Variants in LIM2 observed in about 807,000 individuals in gnomAD.
LIM2 encodes lens intrinsic membrane protein 2.
LIM2 carries 14 observed loss-of-function variants against 19.0 expected under a neutral mutation model. The observed-to-expected ratio is 0.74, with a 90% CI of 0.49 to 1.15. The LOEUF (loss-of-function observed/expected upper bound fraction) is 1.15, where lower values mean the gene tolerates loss of function less well. Among genes scored for constraint, LIM2 ranks in the 50% most tolerant of loss-of-function variants. The pLI, the probability that LIM2 is intolerant of heterozygous loss-of-function variation, is 0.00. For synonymous variants in LIM2, 78 were observed against 89.6 expected (o/e 0.87, Z 0.73); for missense variants, 230 against 243.5 (o/e 0.94, Z 0.37).
intron 2 of LIM2, among the ~76,000 whole-genome samples, chr19:51,383,327 G>A (rs1978455): frequency 0.39 from 58,559 of 151,974 alleles, 13,423 homozygotes; most frequent in East Asian, 0.66. Context: ...GAGCCACTGC[G>A]CCCAGCCTAC....
chr19:51,387,466 A>AG lies in LIM2; in HGVS notation c.-6-18dup, dbSNP rs1207028799. 6.2e-7 allele frequency: 1 copy of AG among 1,612,736 alleles called. No individual in the cohort carries two copies. Among genetic ancestry groups the AG allele is most frequent in the Admixed American group, 1.7e-5 (1 of 59,994 alleles). ...CATGGTGATCTGTGGGGAAGGGGAGAGATGGGATTGGGAGCTGAATTCCCG... is the reference window on the plus strand; with the variant it reads ...CATGGTGATCTGTGGGGAAGGGGAGAGGATGGGATTGGGAGCTGAATTCCCG... On this transcript the variant is annotated splice_polypyrimidine_tract_variant and intron_variant, in intron 1 of 4. Transcript: ENST00000596399.
At chr19:51,383,395 T>C (rs1453642809) in intron 2 of LIM2, among the ~76,000 whole-genome samples, 1 of 152,172 alleles carries the variant, frequency 6.6e-6, no homozygotes, top group East Asian at 1.9e-4. Context: ...TTACTTGTTT[T>C]TAACTTATTT....
intron 4 of LIM2, 82 bp from the exon 5 acceptor site, chr19:51,380,344 C>G (rs1986861611): frequency 4.4e-6 from 7 of 1,582,128 alleles, no homozygotes; most frequent in Admixed American, 3.3e-5. Context: ...ACACCCTACT[C>G]TCTTTCTCCC....
In LIM2 at chr19:51,382,359, C is replaced by T. The variant is rs564476260; in HGVS notation, c.325+59G>A. ...TGAGAATGGTGTTGAGGGGTGGGGA[C>T]AGATTGGGGTTTGAGATGAGAGCGA... On this transcript the variant is annotated intron_variant, in intron 3 of 4. Transcript: ENST00000596399. 7.6e-6 allele frequency: 12 copies of T among 1,586,524 alleles called. No individual in the cohort carries two copies. In the African/African-American group the frequency reaches 1.5e-4, roughly 20 times the overall value.
intron 2 of LIM2, among the ~76,000 whole-genome samples, chr19:51,383,877 C>T (rs1986964677): frequency 6.6e-6 from 1 of 152,130 alleles, no homozygotes; most frequent in African/African-American, 2.4e-5. Flanking sequence ...GCACCTCAAA[C>T]CTTGCATCTT....
intron 3 of LIM2, among the ~76,000 whole-genome samples, 199 bp from the exon 4 acceptor site, chr19:51,380,838 G>A (rs1315265688): frequency 6.6e-6 from 1 of 151,876 alleles, no homozygotes; most frequent in African/African-American, 2.4e-5. Flanking sequence ...TTGGGATGGG[G>A]TTGGACACGC....
At chr19:51,387,599 A>C in intron 1 of LIM2, 150 bp from the exon 2 acceptor site, 1 of 1,149,568 alleles carries the variant, frequency 8.7e-7, no homozygotes, top group Non-Finnish European at 1.2e-6. Context: ...CGAGGAGGGG[A>C]CTGGAGCCCG....
At chr19:51,387,586 G>A (rs1987110143) in intron 1 of LIM2, 137 bp from the exon 2 acceptor site, 11 of 1,249,332 alleles carry the variant, frequency 8.8e-6, no homozygotes, top group Non-Finnish European at 1.1e-5. Context: ...CCTGGGTCCT[G>A]GGCGAGGAGG....
chr19:51,386,288 T>G (rs1019796785), intron 2 of LIM2, among the ~76,000 whole-genome samples: 4 of 150,942 alleles, frequency 2.7e-5, no homozygotes, highest in Non-Finnish European at 5.9e-5. Context: ...CATGCCTGGC[T>G]AATTTTTGTA....
Position 51,379,918 on chromosome 19 carries a change from A to G in LIM2, c.*283T>C. ...AGTATTAACACTTTAGTAGTTTCAC[A>G]TCAGTTTTATTAGGCCCCAGAAAGT... On this transcript the variant is annotated 3_prime_UTR_variant, in exon 5 of 5. Coordinates refer to ENST00000596399, the MANE Select transcript of LIM2 (RefSeq NM_001161748.2). The G allele has an allele frequency of 1.8e-6, 1 of 558,368 alleles. No individual in the cohort carries two copies. The highest frequency in any genetic ancestry group is 2.1e-5 in the South Asian group (1 of 47,114). 34.6% of individuals were successfully genotyped at this position (558,368 alleles called of 1,614,324 possible).
At chr19:51,387,694 C>T (rs998104462) in intron 1 of LIM2, among the ~76,000 whole-genome samples, 4 of 152,000 alleles carry the variant, frequency 2.6e-5, no homozygotes, top group Non-Finnish European at 5.9e-5. Flanking sequence ...AAGAAAAGGC[C>T]GGGGGCCTGG....
intron 2 of LIM2, among the ~76,000 whole-genome samples, chr19:51,385,542 AAAAC>A (rs1352331747): frequency 2.0e-5 from 3 of 152,040 alleles, no homozygotes; most frequent in African/African-American, 4.8e-5. Flanking sequence ...AAACAAAACA[AAAAC>A]AAACAAACGA....
chr19:51,382,408 GCTTA>G lies in LIM2; in HGVS notation c.325+6_325+9del. 6.2e-7 allele frequency: 1 copy of G among 1,612,722 alleles called. No homozygotes were observed. Among genetic ancestry groups the G allele is most frequent in the East Asian group, 2.2e-5 (1 of 44,824 alleles). On this transcript the variant is annotated splice_donor_region_variant and intron_variant, in intron 3 of 4. Transcript: ENST00000596399. ...GAGGAGAGGGGTAGGGAGAGGGTGGGCTTACTCACTTGAGGAAAAAAACATGATG... is the reference window on the plus strand; with the variant it reads ...GAGGAGAGGGGTAGGGAGAGGGTGGGCTCACTTGAGGAAAAAAACATGATG...
chr19:51,382,033 C>T (rs1753328619), intron 3 of LIM2, among the ~76,000 whole-genome samples: 1 of 152,138 alleles, frequency 6.6e-6, no homozygotes, highest in Admixed American at 6.5e-5. Context: ...CGGCCTCCAG[C>T]AAATTTTTGA....
Position 51,382,443 on chromosome 19 carries a change from A to T in LIM2, c.300T>A (p.Ser100=). ...PTFSRISRPF[S]AGIMFFSSTL... ...TTGAGGAAAAAAACATGATGCCAGCAGAGAAGGGCCGGGAGATGCGGGAGA... is the reference window on the plus strand; with the variant it reads ...TTGAGGAAAAAAACATGATGCCAGCTGAGAAGGGCCGGGAGATGCGGGAGA... The change falls in exon 3 of 5, where the codon TCT becomes TCA. Residue 100 remains serine (S), a synonymous_variant. Transcript: ENST00000596399. 6.2e-7 allele frequency: 1 copy of T among 1,614,008 alleles called. No individual in the cohort carries two copies. The highest frequency in any genetic ancestry group is 1.1e-5 in the South Asian group (1 of 91,078).
chr19:51,387,079 C>T (rs888625340), intron 2 of LIM2, 190 bp downstream of exon 2: 5 of 1,043,454 alleles, frequency 4.8e-6, no homozygotes, highest in Non-Finnish European at 7.3e-6. Context: ...AACCAGCACC[C>T]CGTGAAACTG....
intron 1 of LIM2, 104 bp from the exon 2 acceptor site, chr19:51,387,553 A>C: frequency 6.6e-7 from 1 of 1,522,028 alleles, no homozygotes; most frequent in Non-Finnish European, 8.9e-7. Flanking sequence ...AGTGCTTGGG[A>C]GAAGGAGATG....
In LIM2 at chr19:51,380,261, C is replaced by T. The variant is rs757302099; in HGVS notation, c.462G>A (p.Gly154=). ...CCCGGTAGGCGCACATGTAGAAAAT[C>T]CCTGCATGAGAAGAAGTTCAAATTC... The part of the protein sequence containing the change: ...WVAVLMTFFA[G]IFYMCAYRVH... The change falls in exon 5 of 5, where the codon GGG becomes GGA. Residue 154 remains glycine, a splice_region_variant and synonymous_variant. Coordinates refer to ENST00000596399, the MANE Select transcript of LIM2 (RefSeq NM_001161748.2). 2 of 1,613,374 alleles carry T rather than the reference C, an allele frequency of 1.2e-6. No homozygotes were observed. The highest frequency in any genetic ancestry group is 1.7e-5 in the Admixed American group (1 of 59,900).
chr19:51,387,339 C>T lies in LIM2; in HGVS notation c.105G>A (p.Gly35=), dbSNP rs763695624. 4 of 1,614,136 alleles carry T rather than the reference C, an allele frequency of 2.5e-6. No homozygotes were observed. The Admixed American group carries it at 6.7e-5, about 27-fold the overall frequency. ...GCCACAGGCCCTGGTGGGCGAAGGA[C>T]CCTGACAGCCGGTACTGCATCCAGT... ...TDHWMQYRLS[G]SFAHQGLWRY... is the part of the protein sequence containing the mutation. Residue 35 remains glycine (G), a synonymous_variant, in exon 2 of 5, where the codon GGG becomes GGA. Coordinates refer to ENST00000596399, the MANE Select transcript of LIM2 (RefSeq NM_001161748.2).
Sources: allele counts gnomAD v4.1 joint callset (sites outside exome capture counted in the v4.1 genomes callset), GRCh38; gene constraint gnomAD v4.1.1; transcripts MANE v1.5; gene names NCBI Gene and HGNC (gene_info 2026-07-23, HGNC 2026-07-21).